GRAMD1B: variants seen among roughly 807,000 people sequenced by gnomAD.
GRAMD1B encodes the protein GRAM domain containing 1B.
Under a neutral mutation model 99.7 loss-of-function variants are expected in GRAMD1B, and 37 were observed. That is an observed-to-expected ratio of 0.37 (90% confidence interval 0.29 to 0.49). The LOEUF (loss-of-function observed/expected upper bound fraction) is 0.49, where lower values mean the gene tolerates loss of function less well. GRAMD1B is among the 20% of genes least tolerant of loss of function. GRAMD1B has a pLI of 0.98. For missense variants in GRAMD1B, 888 were observed against 1,009.2 expected (o/e 0.88, Z 1.63); for synonymous variants, 427 against 387.6 (o/e 1.10, Z -1.19).
At chr11:123,526,320 G>A (rs2135483279) in intron 2 of GRAMD1B, 2 of 691,526 alleles carry the variant, frequency 2.9e-6, no homozygotes, top group South Asian at 3.4e-5. Flanking sequence ...TTAAAAGTTG[G>A]GGTACTCTCC....
intron 11 of GRAMD1B, chr11:123,607,727 G>A (rs1952935424): frequency 6.6e-6 from 1 of 152,254 alleles, no homozygotes; most frequent in Admixed American, 6.5e-5. Context: ...GGTTTCCTCA[G>A]GGTCCTAGGG....
chr11:123,550,411 A>C (rs1416072276), intron 2 of GRAMD1B, among the ~76,000 whole-genome samples: 1 of 152,028 alleles, frequency 6.6e-6, no homozygotes, highest in African/African-American at 2.4e-5. Context: ...ACCCACACAC[A>C]CTGACACATA....
chr11:123,575,685 C>T (rs78802461), intron 2 of GRAMD1B, among the ~76,000 whole-genome samples: 3 of 152,162 alleles, frequency 2.0e-5, no homozygotes, highest in African/African-American at 4.8e-5. Flanking sequence ...GTTGTGCACT[C>T]ATGGATCTGC....
intron 1 of GRAMD1B, among the ~76,000 whole-genome samples, chr11:123,422,144 C>T (rs1489018485): frequency 6.6e-6 from 1 of 152,078 alleles, no homozygotes; most frequent in Admixed American, 6.6e-5. Flanking sequence ...TCCTGAGTCT[C>T]CATTTGTAGG....
chr11:123,572,630 G>A (rs1948233736), intron 2 of GRAMD1B, among the ~76,000 whole-genome samples: 1 of 152,206 alleles, frequency 6.6e-6, no homozygotes, highest in African/African-American at 2.4e-5. Flanking sequence ...AGGGGTATAT[G>A]TGGGCTTAGT....
At chr11:123,432,807 T>C (rs1360028863) in intron 1 of GRAMD1B, among the ~76,000 whole-genome samples, 3 of 152,008 alleles carry the variant, frequency 2.0e-5, no homozygotes, top group African/African-American at 2.4e-5. Flanking sequence ...GCCATGTGTC[T>C]TTGCGGGGTG....
rs754060220 is a variant in GRAMD1B at position 123,610,016 on chromosome 11, G to A, written c.1776+103G>A. On this transcript the variant is annotated intron_variant, in intron 13 of 19. Coordinates refer to ENST00000635736, the MANE Select transcript of GRAMD1B (RefSeq NM_001387025.1). This position sits in a 1 kb window ranked among gnomAD's most constrained non-coding sequence, Gnocchi z 4.1. ...CAGGAAGAAGTTTCAGGGCGCAAGT[G>A]TCATTTTGCCCCAAAGCGGTGGTGG... 33 of 852,172 alleles carry A rather than the reference G, an allele frequency of 3.9e-5. No individual in the cohort carries two copies. The highest frequency in any genetic ancestry group is 5.7e-5 in the Non-Finnish European group (30 of 522,412). The allele number at this position is 852,172 out of a possible 1,614,324, so 52.8% of individuals were successfully genotyped here. A position where few individuals can be genotyped will look rare whatever the true frequency, so the allele number is the denominator to read the frequency against.
intron 2 of GRAMD1B, among the ~76,000 whole-genome samples, chr11:123,516,297 G>C (rs1424284403): frequency 2.0e-5 from 3 of 152,332 alleles, no homozygotes; most frequent in African/African-American, 7.2e-5. Flanking sequence ...TCTCATGTCT[G>C]TTGTGATGCT....
intron 15 of GRAMD1B, 62 bp downstream of exon 15, chr11:123,612,926 C>T (rs1953792985): frequency 1.1e-6 from 1 of 914,482 alleles, no homozygotes; most frequent in Non-Finnish European, 1.8e-6. Context: ...ACTGCGGCCG[C>T]CCACCATTCA....
chr11:123,603,739 C>G (rs1188836211), intron 9 of GRAMD1B, among the ~76,000 whole-genome samples, 198 bp downstream of exon 9: 1 of 152,202 alleles, frequency 6.6e-6, no homozygotes, highest in Non-Finnish European at 1.5e-5. Flanking sequence ...TTATGGTTGG[C>G]TTTTACTGAG....
At chr11:123,487,869 A>T (rs1389612774) in intron 2 of GRAMD1B, among the ~76,000 whole-genome samples, 2 of 152,166 alleles carry the variant, frequency 1.3e-5, no homozygotes, top group African/African-American at 4.8e-5. Flanking sequence ...GGCCTCCCCA[A>T]GTTCTGGGAT....
At chr11:123,378,680 A>G (rs1484087972) in intron 1 of GRAMD1B, among the ~76,000 whole-genome samples, 1 of 152,136 alleles carries the variant, frequency 6.6e-6, no homozygotes, top group East Asian at 1.9e-4. Flanking sequence ...CAGCCACTGA[A>G]TATGTTACAA....
chr11:123,457,148 G>C lies in GRAMD1B; in HGVS notation c.375-23668G>C, dbSNP rs189324741. 1.3e-4 allele frequency among the ~76,000 whole-genome samples: 10 copies of C among 78,528 alleles called. No individual in the cohort carries two copies. In the East Asian group the frequency reaches 3.5e-3, roughly 27 times the overall value. The allele number at this position is 78,528 out of a possible 152,430, so 51.5% of individuals were successfully genotyped here. A position where few individuals can be genotyped will look rare whatever the true frequency, so the allele number is the denominator to read the frequency against. On this transcript the variant is annotated intron_variant, in intron 1 of 19. Coordinates refer to ENST00000635736, the MANE Select transcript of GRAMD1B (RefSeq NM_001387025.1). ...AAGAAAGAAAGAAAGAATTAGAACA[G>C]TTTATCCCTCGAATCCCTTCCTGCT...
chr11:123,395,488 A>G (rs1425743137), intron 1 of GRAMD1B, among the ~76,000 whole-genome samples: 2 of 152,134 alleles, frequency 1.3e-5, no homozygotes, highest in Non-Finnish European at 2.9e-5. Flanking sequence ...ACAAAAAGTG[A>G]ACGTTTGCAT....
chr11:123,597,501 G>T (rs1169213303), intron 7 of GRAMD1B, among the ~76,000 whole-genome samples: 2 of 151,996 alleles, frequency 1.3e-5, no homozygotes, highest in Non-Finnish European at 2.9e-5. Flanking sequence ...TGCATCAATG[G>T]CTAACTAAGC....
At position 123,626,314 on chromosome 11, in the gene GRAMD1B, A is replaced by G. The variant is rs968958973; in HGVS notation, c.*3719A>G. 4 of 152,240 alleles carry G rather than the reference A, an allele frequency of 2.6e-5. No individual in the cohort carries two copies. The highest frequency in any genetic ancestry group is 4.4e-5 in the Non-Finnish European group (3 of 68,080). 9.4% of individuals were successfully genotyped at this position (152,240 alleles called of 1,614,324 possible). On this transcript the variant is annotated 3_prime_UTR_variant, in exon 20 of 20. Coordinates refer to ENST00000635736, the MANE Select transcript of GRAMD1B (RefSeq NM_001387025.1). ...GAACCTGGAATGACATGGGGAGGAC[A>G]AAGAGAGCTCAAGAGGAATGCTTTG...
rs534293568 is a variant in GRAMD1B, at chr11:123,587,608, G to A, written c.684+3276G>A. On this transcript the variant is annotated intron_variant, in intron 4 of 19. Transcript: ENST00000635736. This position sits in a 1 kb window ranked among gnomAD's most constrained non-coding sequence, Gnocchi z 4.2. Reference sequence around the variant, plus strand: ...CCTTGGCCTCCTGGCGCATTCCTGCGGGCAGTCTTCTCCATGGCAGCCCCA... The same window carrying A: ...CCTTGGCCTCCTGGCGCATTCCTGCAGGCAGTCTTCTCCATGGCAGCCCCA... Among the ~76,000 whole-genome samples the A allele has an allele frequency of 7.8e-4, 119 of 152,286 alleles. No individual in the cohort carries two copies. The South Asian group carries it at 0.012, about 16-fold the overall frequency.
intron 1 of GRAMD1B, among the ~76,000 whole-genome samples, chr11:123,457,117 A>AAAAG (rs111505156): frequency 0.1 from 9,954 of 99,534 alleles, 1,150 homozygotes; most frequent in African/African-American, 0.18. Context: ...TTCTGAGAAA[A>AAAAG]AAAGAAAGAA....
chr11:123,426,026 A>G (rs1267797707), upstream of GRAMD1B, among the ~76,000 whole-genome samples: 1 of 152,210 alleles, frequency 6.6e-6, no homozygotes, highest in Non-Finnish European at 1.5e-5. Context: ...CTAGTTCACC[A>G]GTGCAAGATA....
Sources: allele counts gnomAD v4.1 joint callset (sites outside exome capture counted in the v4.1 genomes callset), GRCh38; gene constraint gnomAD v4.1.1; non-coding constraint Gnocchi (gnomAD v3.1); transcripts MANE v1.5; gene names NCBI Gene and HGNC (gene_info 2026-07-23, HGNC 2026-07-21).